The following XPO6 variants were observed in gnomAD, a reference collection of about 807,000 sequenced individuals.
XPO6 encodes exportin-6.
XPO6 carries 3 observed loss-of-function variants against 130.0 expected under a neutral mutation model. The observed-to-expected ratio is 0.02, with a 90% CI of 0.01 to 0.06. The LOEUF is 0.06. Among genes scored for constraint, XPO6 ranks in the 10% least tolerant of loss-of-function variants. The pLI, the probability that XPO6 is intolerant of heterozygous loss-of-function variation, is 1.00. For synonymous variants in XPO6, 524 were observed against 548.9 expected (o/e 0.95, Z 0.63); for missense variants, 970 against 1,393.0 (o/e 0.70, Z 4.83).
chr16:28,108,100 G>A (rs1239980870), intron 17 of XPO6, among the ~76,000 whole-genome samples: 1 of 151,976 alleles, frequency 6.6e-6, no homozygotes, highest in Non-Finnish European at 1.5e-5. Flanking sequence ...AGGCCAGGAC[G>A]GACACATGCA....
chr16:28,101,371 C>T lies in XPO6; in HGVS notation c.3276+87G>A. On this transcript the variant is annotated intron_variant, in intron 23 of 23. Transcript: ENST00000304658. This position sits in a 1 kb window ranked among gnomAD's most constrained non-coding sequence, Gnocchi z 5.4. ...GTGGGCACAGACCACGCCCAGAGGC[C>T]TCAATGTGCCCCCTCCTTGCTGCAC... 1 of 1,235,386 alleles carries T rather than the reference C, an allele frequency of 8.1e-7. No homozygotes were observed. The highest frequency in any genetic ancestry group is 1.2e-6 in the Non-Finnish European group (1 of 847,148). 76.5% of individuals were successfully genotyped at this position (1,235,386 alleles called of 1,614,324 possible). A position where few individuals can be genotyped will look rare whatever the true frequency, so the allele number is the denominator to read the frequency against.
At chr16:28,143,889 C>T (rs921117659) in intron 9 of XPO6, among the ~76,000 whole-genome samples, 2 of 152,162 alleles carry the variant, frequency 1.3e-5, no homozygotes, top group African/African-American at 4.8e-5. Flanking sequence ...CCTGCCTTGG[C>T]CTCCTAAAGC....
chr16:28,197,879 A>T (rs71389834), intron 1 of XPO6, among the ~76,000 whole-genome samples: 1 of 132,606 alleles, frequency 7.5e-6, no homozygotes, highest in African/African-American at 2.8e-5. Flanking sequence ...AGATCACGCC[A>T]CCGCACTCCA....
intron 1 of XPO6, among the ~76,000 whole-genome samples, chr16:28,198,330 ATT>A (rs5816464): frequency 2.6e-5 from 4 of 151,032 alleles, no homozygotes; most frequent in South Asian, 2.1e-4. Flanking sequence ...AATGGTGGTA[ATT>A]TTTTTTTTTA....
intron 1 of XPO6, among the ~76,000 whole-genome samples, chr16:28,187,544 A>AT (rs1228934593): frequency 1.3e-5 from 2 of 151,888 alleles, no homozygotes; most frequent in East Asian, 3.9e-4. Flanking sequence ...ATATTGGGTC[A>AT]TTCTGAGAAT....
At chr16:28,203,028 C>T (rs1347587576) in intron 1 of XPO6, among the ~76,000 whole-genome samples, 1 of 152,180 alleles carries the variant, frequency 6.6e-6, no homozygotes, top group Non-Finnish European at 1.5e-5. Context: ...GTAATCCTAG[C>T]ACTTTGGGAG....
At chr16:28,133,744 A>AAGAGGGGAG (rs1473789213) in intron 11 of XPO6, 97 bp downstream of exon 11, 1 of 1,059,784 alleles carries the variant, frequency 9.4e-7, no homozygotes, top group African/African-American at 1.6e-5. Context: ...ATAGAGGGGA[A>AAGAGGGGAG]AGAGGGGAGA....
chr16:28,103,037 A>G (rs1468591371), intron 21 of XPO6, among the ~76,000 whole-genome samples: 1 of 152,202 alleles, frequency 6.6e-6, no homozygotes, highest in Non-Finnish European at 1.5e-5. Flanking sequence ...ATGGAAGTAT[A>G]ACAGAGTAAA....
intron 4 of XPO6, among the ~76,000 whole-genome samples, chr16:28,171,900 CCTT>C (rs1490786994): frequency 6.6e-6 from 1 of 152,146 alleles, no homozygotes; most frequent in African/African-American, 2.4e-5. Context: ...ATTACTTCCT[CCTT>C]TTCCTTTCTT....
At chr16:28,135,710 A>G (rs1034241481) in intron 9 of XPO6, among the ~76,000 whole-genome samples, 1 of 152,210 alleles carries the variant, frequency 6.6e-6, no homozygotes, top group Non-Finnish European at 1.5e-5. Flanking sequence ...ATCTGAATCC[A>G]AAGTGAGTCT....
chr16:28,193,923 C>T (rs73525063), intron 1 of XPO6, among the ~76,000 whole-genome samples: 2,496 of 152,224 alleles, frequency 0.016, 64 homozygotes, highest in African/African-American at 0.058. Context: ...GCCCTTCCAC[C>T]CCCAACAGGT....
intron 21 of XPO6, among the ~76,000 whole-genome samples, chr16:28,103,905 CAA>C (rs2086711519): frequency 1.3e-5 from 2 of 152,170 alleles, no homozygotes; most frequent in South Asian, 4.1e-4. Flanking sequence ...CTGAAAATAC[CAA>C]AAGAGACTCC....
intron 13 of XPO6, among the ~76,000 whole-genome samples, chr16:28,123,010 A>G (rs1366638602): frequency 1.3e-5 from 2 of 152,124 alleles, no homozygotes; most frequent in African/African-American, 2.4e-5. Context: ...TCAAGGGCTC[A>G]CTGGATACTA....
intron 1 of XPO6, among the ~76,000 whole-genome samples, chr16:28,199,569 GC>G (rs2043923291): frequency 6.8e-6 from 1 of 146,014 alleles, no homozygotes; most frequent in Non-Finnish European, 1.5e-5. Flanking sequence ...GAGCCACCAT[GC>G]CCGGCCTTTT....
In XPO6 at chr16:28,124,407, T is replaced by G. The variant is rs1025568342; in HGVS notation, c.1766+1282A>C. Among the ~76,000 whole-genome samples the G allele has an allele frequency of 2.0e-5, 3 of 152,172 alleles. No individual in the cohort carries two copies. The South Asian group carries it at 6.2e-4, about 32-fold the overall frequency. On this transcript the variant is annotated intron_variant, in intron 13 of 23. Transcript: ENST00000304658. ...TATTGCTTAACAGAGTAAGTTCAAA[T>G]AATGGACTTATCTTTGGATTTCAGA...
At chr16:28,170,453 A>T (rs2043431963) in intron 4 of XPO6, among the ~76,000 whole-genome samples, 1 of 152,220 alleles carries the variant, frequency 6.6e-6, no homozygotes, top group African/African-American at 2.4e-5. Context: ...ACTTAAAAAC[A>T]GCTAGAAAAC....
chr16:28,165,733 C>T lies in XPO6; in HGVS notation c.643+775G>A, dbSNP rs576950220. Among the ~76,000 whole-genome samples the T allele has an allele frequency of 2.0e-5, 3 of 152,294 alleles. No homozygotes were observed. The East Asian group carries it at 5.8e-4, about 29-fold the overall frequency. On this transcript the variant is annotated intron_variant, in intron 6 of 23. Coordinates refer to ENST00000304658, the MANE Select transcript of XPO6 (RefSeq NM_015171.4). ...AAGATGTGGAAATATTTCTCATTAGCCACATCAACCTTTACAGTAGAGGAA... is the reference window on the plus strand; with the variant it reads ...AAGATGTGGAAATATTTCTCATTAGTCACATCAACCTTTACAGTAGAGGAA...
intron 1 of XPO6, among the ~76,000 whole-genome samples, chr16:28,196,025 T>C (rs960654939): frequency 6.6e-6 from 1 of 152,336 alleles, no homozygotes; most frequent in African/African-American, 2.4e-5. Context: ...TATTCCACCA[T>C]GGAATGTGCT....
intron 9 of XPO6, among the ~76,000 whole-genome samples, chr16:28,137,504 G>A (rs932511289): frequency 2.0e-5 from 3 of 152,148 alleles, no homozygotes; most frequent in African/African-American, 7.2e-5. Context: ...GATAACCAAA[G>A]TTAAAAGATA....
Sources: gnomAD v4.1 joint callset for allele counts (sites outside exome capture counted in the v4.1 genomes callset) on GRCh38, gnomAD v4.1.1 for gene constraint, Gnocchi (gnomAD v3.1) non-coding constraint, MANE v1.5 for transcripts, NCBI Gene and HGNC (gene_info 2026-07-23, HGNC 2026-07-21) for gene names.